Variants in RERG observed in about 807,000 individuals in gnomAD.
RERG encodes the protein RAS like estrogen regulated growth inhibitor.
RERG carries 25 observed loss-of-function variants against 23.2 expected under a neutral mutation model. That is an observed-to-expected ratio of 1.08 (90% CI 0.79 to 1.50). The LOEUF (loss-of-function observed/expected upper bound fraction) is 1.50, where lower values mean the gene tolerates loss of function less well. Ranked by LOEUF, RERG falls within the 40% of genes most tolerant of loss-of-function variation. RERG has a pLI of 0.00. For missense variants in RERG, 253 were observed against 250.1 expected (o/e 1.01, Z -0.08); for synonymous variants, 81 against 89.1 (o/e 0.91, Z 0.51).
At chr12:15,200,147 T>C (rs1591667915) in intron 2 of RERG, among the ~76,000 whole-genome samples, 1 of 152,198 alleles carries the variant, frequency 6.6e-6, no homozygotes, top group East Asian at 1.9e-4. Context: ...CAATGCTACA[T>C]TGCATAATTA....
chr12:15,152,912 T>C (rs2136108609), intron 2 of RERG, among the ~76,000 whole-genome samples: 1 of 152,294 alleles, frequency 6.6e-6, no homozygotes, highest in African/African-American at 2.4e-5. Flanking sequence ...CTCTACTGTT[T>C]CTGATGTTAT....
At chr12:15,207,913 A>G (rs1865314650) in intron 2 of RERG, among the ~76,000 whole-genome samples, 2 of 152,178 alleles carry the variant, frequency 1.3e-5, no homozygotes, top group Non-Finnish European at 2.9e-5. Flanking sequence ...GAAAAGCAAC[A>G]AACAGGAAGA....
chr12:15,160,617 C>T (rs1465563645), intron 2 of RERG, among the ~76,000 whole-genome samples: 1 of 152,024 alleles, frequency 6.6e-6, no homozygotes, highest in Non-Finnish European at 1.5e-5. Context: ...AGAGATACTG[C>T]CACAATAAAA....
At chr12:15,199,229 G>A (rs1229463782) in intron 2 of RERG, among the ~76,000 whole-genome samples, 1 of 152,014 alleles carries the variant, frequency 6.6e-6, no homozygotes. Flanking sequence ...GCTCAAATTG[G>A]CAACGTGAGG....
At chr12:15,127,754 T>C (rs981957996) in intron 2 of RERG, among the ~76,000 whole-genome samples, 4 of 152,242 alleles carry the variant, frequency 2.6e-5, no homozygotes, top group Admixed American at 1.3e-4. Context: ...AAAGTGTATA[T>C]GCTTTTAGAA....
At chr12:15,189,069 T>G (rs187830300) in intron 2 of RERG, among the ~76,000 whole-genome samples, 57 of 152,322 alleles carry the variant, frequency 3.7e-4, no homozygotes, top group Middle Eastern at 6.8e-3. Flanking sequence ...ATTATTGCAG[T>G]AGCCTCCTAA....
intron 3 of RERG, chr12:15,114,643 T>A (rs1342999593): frequency 6.6e-6 from 1 of 152,114 alleles, no homozygotes; most frequent in East Asian, 1.9e-4. Context: ...CTGTGGTACA[T>A]CATTTTGAAG....
intron 2 of RERG, among the ~76,000 whole-genome samples, chr12:15,165,267 A>AGTTT (rs1864670761): frequency 6.6e-6 from 1 of 152,272 alleles, no homozygotes; most frequent in East Asian, 1.9e-4. Flanking sequence ...GTCTCCGTAC[A>AGTTT]ACTAAGGAAA....
intron 2 of RERG, among the ~76,000 whole-genome samples, chr12:15,129,434 CT>C (rs1013119374): frequency 4.5e-4 from 69 of 152,258 alleles, no homozygotes; most frequent in African/African-American, 1.6e-3. Context: ...CCATTTTGAT[CT>C]CCTATCAAAT....
chr12:15,181,938 AGGAG>A (rs1188532515), intron 2 of RERG, among the ~76,000 whole-genome samples: 2 of 152,230 alleles, frequency 1.3e-5, no homozygotes, highest in Non-Finnish European at 2.9e-5. Flanking sequence ...GACCACTGGC[AGGAG>A]CCATTTGAAA....
At chr12:15,207,421 G>A (rs1865307503) in intron 2 of RERG, among the ~76,000 whole-genome samples, 1 of 152,040 alleles carries the variant, frequency 6.6e-6, no homozygotes, top group Non-Finnish European at 1.5e-5. Context: ...GTTTGGCTCA[G>A]CAATGGCATA....
intron 2 of RERG, chr12:15,137,899 T>C (rs1864171030): frequency 2.2e-6 from 1 of 448,046 alleles, no homozygotes; most frequent in South Asian, 1.6e-5. Context: ...AGATGTATCA[T>C]TCTCCTTCTC....
chr12:15,186,404 T>A lies in RERG; in HGVS notation c.61+31025A>T, dbSNP rs555947203. Among the ~76,000 whole-genome samples, 609 of 152,224 alleles carry A rather than the reference T, an allele frequency of 4.0e-3. 3 individuals carry two copies. Among genetic ancestry groups the A allele is most frequent in the Non-Finnish European group, 6.3e-3 (427 of 68,010 alleles). Reference sequence around the variant, plus strand: ...GGAAAAATTTAAAAAATTAAAAATGTACATTTAATTCTAATGTTTTAAATT... The same window carrying A: ...GGAAAAATTTAAAAAATTAAAAATGAACATTTAATTCTAATGTTTTAAATT... On this transcript the variant is annotated intron_variant, in intron 2 of 4. Coordinates refer to ENST00000256953, the MANE Select transcript of RERG (RefSeq NM_032918.3).
Position 15,107,958 on chromosome 12 carries a change from T to C in RERG, c.*1152A>G, listed in dbSNP as rs1863527237. ...AAAAGATATATATTTTCTACTAAAA[T>C]AAAGTACCCAAATCTTGATATATAT... On this transcript the variant is annotated 3_prime_UTR_variant, in exon 5 of 5. Transcript: ENST00000256953. The C allele has an allele frequency of 1.3e-5, 2 of 152,562 alleles. No individual in the cohort carries two copies. The highest frequency in any genetic ancestry group is 1.3e-4 in the Admixed American group (2 of 15,276). The allele number at this position is 152,562 out of a possible 1,614,324, so 9.5% of individuals were successfully genotyped here. A position where few individuals can be genotyped will look rare whatever the true frequency, so the allele number is the denominator to read the frequency against.
At position 15,109,208 on chromosome 12, in the gene RERG, G is replaced by A. The variant is rs774682564; in HGVS notation, c.502C>T (p.Arg168Cys). The stretch of plus-strand genomic sequence containing the variant: ...TTGCCCTGCACCATCCTCCGGCGAC[G>A]CACCTCTCGACACAATTCATAGAAT... ...EIFYELCREV[R>C]RRRMVQGKTR... Residue 168 changes from arginine to cysteine, a missense_variant, in exon 5 of 5, where the codon CGT becomes TGT. Coordinates refer to ENST00000256953, the MANE Select transcript of RERG (RefSeq NM_032918.3). 1.2e-6 allele frequency: 2 copies of A among 1,613,702 alleles called. No homozygotes were observed. The highest frequency in any genetic ancestry group is 1.7e-5 in the Admixed American group (1 of 59,958).
intron 3 of RERG, among the ~76,000 whole-genome samples, chr12:15,113,875 T>C (rs1863669554): frequency 6.6e-6 from 1 of 152,024 alleles, no homozygotes; most frequent in Non-Finnish European, 1.5e-5. Context: ...TCAAGAAACT[T>C]ATTTAAAATT....
chr12:15,138,157 C>G (rs541321033), intron 2 of RERG: 2 of 195,986 alleles, frequency 1.0e-5, no homozygotes. Context: ...GTCATTCTTT[C>G]GCATTTATCC....
chr12:15,148,986 A>C (rs1421120762), intron 2 of RERG, among the ~76,000 whole-genome samples: 3 of 146,642 alleles, frequency 2.0e-5, no homozygotes, highest in South Asian at 2.2e-4. Context: ...CTCCTGCCTC[A>C]GCCTCCCGAG....
chr12:15,164,913 T>G (rs1356328303), intron 2 of RERG, among the ~76,000 whole-genome samples: 1 of 152,188 alleles, frequency 6.6e-6, no homozygotes, highest in Non-Finnish European at 1.5e-5. Context: ...AGCACTCTCT[T>G]CATTAAGCCA....
Sources: gnomAD v4.1 joint callset for allele counts (sites outside exome capture counted in the v4.1 genomes callset) on GRCh38, gnomAD v4.1.1 for gene constraint, MANE v1.5 for transcripts, NCBI Gene and HGNC (gene_info 2026-07-23, HGNC 2026-07-21) for gene names.